MYO9A: variants seen among roughly 807,000 people sequenced by gnomAD.
The protein encoded by MYO9A is unconventional myosin-IXa.
A neutral mutation model predicts 293.3 loss-of-function variants in MYO9A; 103 were observed. That is an observed-to-expected ratio of 0.35 (90% CI 0.30 to 0.41). The LOEUF (loss-of-function observed/expected upper bound fraction) is 0.41. Ranked by LOEUF, MYO9A falls within the 10% of genes least tolerant of loss-of-function variation. The pLI is 1.00. For synonymous variants in MYO9A, 1,001 were observed against 1,035.7 expected (o/e 0.97, Z 0.64); for missense variants, 2,685 against 3,033.0 (o/e 0.89, Z 2.69).
chr15:72,019,309 G>A (rs2077431603), intron 5 of MYO9A, among the ~76,000 whole-genome samples: 1 of 152,132 alleles, frequency 6.6e-6, no homozygotes, highest in Non-Finnish European at 1.5e-5. Flanking sequence ...TCCAGTGACT[G>A]TTATTTATAT....
At chr15:71,892,241 C>A (rs2057198235) in intron 26 of MYO9A, 1 of 152,268 alleles carries the variant, frequency 6.6e-6, no homozygotes, top group Admixed American at 6.5e-5. Context: ...AAACACAACA[C>A]CAATGTTATA....
Position 72,018,169 on chromosome 15 carries a change from A to G in MYO9A, c.1155+870T>C, listed in dbSNP as rs74855673. ...ATCATACATCCCCTTAAATCACTCA[A>G]TTTACAACATAAAATAGGCTGGGCA... On this transcript the variant is annotated intron_variant, in intron 6 of 41. Coordinates refer to ENST00000356056, the MANE Select transcript of MYO9A (RefSeq NM_006901.4). Among the ~76,000 whole-genome samples, 896 of 151,992 alleles carry G rather than the reference A, an allele frequency of 5.9e-3. 62 individuals are homozygous for G. The East Asian group carries it at 0.14, about 23-fold the overall frequency.
chr15:71,916,042 C>G (rs2058002560), intron 19 of MYO9A, among the ~76,000 whole-genome samples: 1 of 152,032 alleles, frequency 6.6e-6, no homozygotes, highest in African/African-American at 2.4e-5. Context: ...GGGAAAAAAA[C>G]ATATATCATT....
chr15:71,916,432 T>C lies in MYO9A; in HGVS notation c.2623A>G (p.Thr875Ala), dbSNP rs1484207592. 6.2e-7 allele frequency: 1 copy of C among 1,613,796 alleles called. No individual in the cohort carries two copies. The highest frequency in any genetic ancestry group is 2.2e-5 in the East Asian group (1 of 44,816). ...LTRLTLQDRI[T>A]KSLLHLHKKK... ...TTGTGTAAATGAAGAAGAGACTTGGTAATGCGATCTTGTAGTGTCAGTCTT... is the reference window on the plus strand; with the variant it reads ...TTGTGTAAATGAAGAAGAGACTTGGCAATGCGATCTTGTAGTGTCAGTCTT... Residue 875 changes from threonine to alanine, a missense_variant, in exon 19 of 42, where the codon ACC becomes GCC. Around this residue, in one of 10 missense-constraint regions of MYO9A, gnomAD observed 1,434 missense variants for 1,497.7 expected, o/e 0.96. Coordinates refer to ENST00000356056, the MANE Select transcript of MYO9A (RefSeq NM_006901.4).
At position 71,997,555 on chromosome 15, in the gene MYO9A, C is replaced by T. The variant is rs28569017; in HGVS notation, c.1470+2296G>A. Among the ~76,000 whole-genome samples the T allele has an allele frequency of 5.6e-3, 858 of 152,096 alleles. 12 individuals are homozygous for T. The highest frequency in any genetic ancestry group is 0.02 in the African/African-American group (812 of 41,466). On this transcript the variant is annotated intron_variant, in intron 9 of 41. Transcript: ENST00000356056. ...GCAGAGGTTGCAGTGAGCGAGATCA[C>T]ACCACTGCACTCCAGCCCAGGTAAG...
intron 39 of MYO9A, among the ~76,000 whole-genome samples, chr15:71,844,931 G>T (rs36032558): frequency 0.013 from 2,034 of 152,288 alleles, 22 homozygotes; most frequent in East Asian, 0.023. Flanking sequence ...ACTAGGGTTT[G>T]TCTATGGGTT....
intron 39 of MYO9A, among the ~76,000 whole-genome samples, chr15:71,838,745 C>T (rs2055034385): frequency 6.6e-6 from 1 of 152,128 alleles, no homozygotes; most frequent in South Asian, 2.1e-4. Context: ...AAAGACATCA[C>T]AGATAATATG....
At chr15:72,087,348 C>T (rs1199986112) in intron 1 of MYO9A, among the ~76,000 whole-genome samples, 1 of 152,192 alleles carries the variant, frequency 6.6e-6, no homozygotes, top group Non-Finnish European at 1.5e-5. Flanking sequence ...TATAGACACT[C>T]CTGCACCAAA....
At chr15:71,833,656 C>G (rs1489527276) in intron 39 of MYO9A, among the ~76,000 whole-genome samples, 1 of 151,986 alleles carries the variant, frequency 6.6e-6, no homozygotes, top group Non-Finnish European at 1.5e-5. Flanking sequence ...CACAGCAAGA[C>G]AACAAAATTC....
intron 2 of MYO9A, among the ~76,000 whole-genome samples, chr15:72,040,601 T>C (rs1459925214): frequency 6.6e-6 from 1 of 152,204 alleles, no homozygotes; most frequent in Non-Finnish European, 1.5e-5. Flanking sequence ...AACCCAGTAT[T>C]TTCCGTTTTT....
chr15:71,896,895 T>C (rs1426903687), intron 25 of MYO9A: 3 of 152,144 alleles, frequency 2.0e-5, no homozygotes, highest in South Asian at 4.1e-4. Context: ...AGTTGTTCAA[T>C]GGGTACAGAG....
At chr15:71,960,415 T>C (rs2075709926) in intron 13 of MYO9A, 1 of 262,894 alleles carries the variant, frequency 3.8e-6, no homozygotes, top group Non-Finnish European at 7.3e-6. Context: ...GCTTCCACTT[T>C]GCCTTCCACC....
At chr15:72,074,951 C>CTTCTTTTTTTTT (rs2079301118) in intron 1 of MYO9A, among the ~76,000 whole-genome samples, 1 of 53,110 alleles carries the variant, frequency 1.9e-5, no homozygotes, top group African/African-American at 7.3e-5. Flanking sequence ...TTTTCACTGC[C>CTTCTTTTTTTTT]TTTTTTTTTT....
At chr15:72,011,885 CAGTGCG>C (rs2148981444) in intron 6 of MYO9A, among the ~76,000 whole-genome samples, 1 of 152,254 alleles carries the variant, frequency 6.6e-6, no homozygotes, top group African/African-American at 2.4e-5. Context: ...TGCAGATCCC[CAGTGCG>C]AAGTCAGTGC....
intron 18 of MYO9A, among the ~76,000 whole-genome samples, chr15:71,932,205 C>T (rs1336374543): frequency 6.6e-6 from 1 of 152,128 alleles, no homozygotes. Context: ...CTGCACTACG[C>T]TGAAGAGAGG....
chr15:72,113,738 A>G (rs923815041), intron 1 of MYO9A, among the ~76,000 whole-genome samples: 1 of 152,202 alleles, frequency 6.6e-6, no homozygotes, highest in African/African-American at 2.4e-5. Flanking sequence ...ATATACATAC[A>G]AACACACAGC....
intron 18 of MYO9A, among the ~76,000 whole-genome samples, chr15:71,920,213 G>A (rs1352768117): frequency 6.6e-6 from 1 of 152,082 alleles, no homozygotes; most frequent in Non-Finnish European, 1.5e-5. Context: ...TAATTAACCA[G>A]TTTATTATTT....
At chr15:72,014,122 C>T (rs975376228) in intron 6 of MYO9A, among the ~76,000 whole-genome samples, 7 of 152,108 alleles carry the variant, frequency 4.6e-5, no homozygotes, top group Non-Finnish European at 1.0e-4. Flanking sequence ...ATATTTGATC[C>T]TTATAAAACC....
rs774909077 is a variant in MYO9A, at chr15:71,960,038, C to T, written c.2045G>A (p.Ser682Asn). 1 of 1,614,010 alleles carries T rather than the reference C, an allele frequency of 6.2e-7. No homozygotes were observed. The highest frequency in any genetic ancestry group is 1.1e-5 in the South Asian group (1 of 91,054). Residue 682 changes from serine (S) to asparagine (N), a missense_variant, in exon 14 of 42, where the codon AGC becomes AAC. Transcript: ENST00000356056. ...MRPDIVALLRSSKNAFISGMI... is the reference protein window; with the variant it reads ...MRPDIVALLRNSKNAFISGMI... ...CCCAGAGATAAATGCATTCTTGCTG[C>T]TTCTCAGAAGAGCTACAATGTCTGG...
Sources: allele counts gnomAD v4.1 joint callset (sites outside exome capture counted in the v4.1 genomes callset), GRCh38; gene constraint gnomAD v4.1.1; regional missense constraint gnomAD v4.1.1; transcripts MANE v1.5; gene names NCBI Gene and HGNC (gene_info 2026-07-23, HGNC 2026-07-21).